The following EXOC6B variants were observed in gnomAD, a reference collection of about 807,000 sequenced individuals.
EXOC6B encodes the protein SEC15 homolog B.
EXOC6B carries 54 observed loss-of-function variants against 113.5 expected under a neutral mutation model. The ratio of observed to expected loss-of-function variants is 0.48; its 90% CI spans 0.38 to 0.60. EXOC6B has a LOEUF of 0.60. EXOC6B is among the 20% of genes least tolerant of loss of function. The pLI is 0.00. For synonymous variants in EXOC6B, 357 were observed against 339.0 expected (o/e 1.05, Z -0.58); for missense variants, 797 against 977.5 (o/e 0.82, Z 2.46).
At chr2:72,434,144 T>TGC (rs766974990) in intron 18 of EXOC6B, among the ~76,000 whole-genome samples, 2 of 152,234 alleles carry the variant, frequency 1.3e-5, no homozygotes, top group East Asian at 3.8e-4. Flanking sequence ...AGGCCTTTTC[T>TGC]GCATCCATTG....
intron 6 of EXOC6B, among the ~76,000 whole-genome samples, chr2:72,700,135 T>G (rs1452201132): frequency 6.6e-6 from 1 of 152,134 alleles, no homozygotes; most frequent in Non-Finnish European, 1.5e-5. Context: ...TATATTGTTG[T>G]TTTTTATTGT....
chr2:72,423,109 G>C (rs1185130063), intron 18 of EXOC6B, among the ~76,000 whole-genome samples: 1 of 152,152 alleles, frequency 6.6e-6, no homozygotes, highest in Non-Finnish European at 1.5e-5. Flanking sequence ...AAGATCTGCA[G>C]CTTCACTCCT....
intron 19 of EXOC6B, among the ~76,000 whole-genome samples, chr2:72,370,876 G>GC (rs1690963333): frequency 6.7e-6 from 1 of 150,202 alleles, no homozygotes; most frequent in African/African-American, 2.4e-5. Flanking sequence ...GTGATGGGAG[G>GC]GGGGAGGGAT....
chr2:72,326,792 A>AC (rs1688152946), intron 20 of EXOC6B, among the ~76,000 whole-genome samples: 1 of 151,344 alleles, frequency 6.6e-6, no homozygotes, highest in Non-Finnish European at 1.5e-5. Context: ...CAATGGCAAA[A>AC]CCGCAATTAC....
intron 21 of EXOC6B, 145 bp from the exon 22 acceptor site, chr2:72,179,606 A>G: frequency 2.2e-6 from 2 of 904,872 alleles, no homozygotes; most frequent in Admixed American, 2.3e-5. Context: ...TCAGGCCCAC[A>G]CTCACCTACT....
At chr2:72,610,324 A>G (rs2104080426) in intron 6 of EXOC6B, among the ~76,000 whole-genome samples, 1 of 152,314 alleles carries the variant, frequency 6.6e-6, no homozygotes, top group East Asian at 1.9e-4. Flanking sequence ...GCAAAACCAC[A>G]ATTACTTTTG....
At chr2:72,512,459 G>A (rs1381489102) in intron 11 of EXOC6B, among the ~76,000 whole-genome samples, 1 of 150,666 alleles carries the variant, frequency 6.6e-6, no homozygotes, top group Admixed American at 6.6e-5. Flanking sequence ...AAAGAAGGAA[G>A]GGAATTCAGA....
chr2:72,601,487 T>C (rs1186231366), intron 6 of EXOC6B, among the ~76,000 whole-genome samples: 1 of 152,128 alleles, frequency 6.6e-6, no homozygotes, highest in Non-Finnish European at 1.5e-5. Flanking sequence ...GCCCAGCCTG[T>C]ATGGCTAAAA....
At position 72,658,007 on chromosome 2, in the gene EXOC6B, A is replaced by AAT. The variant is rs201592898; in HGVS notation, c.669+60094_669+60095dup. On this transcript the variant is annotated intron_variant, in intron 6 of 21. Coordinates refer to ENST00000272427, the MANE Select transcript of EXOC6B (RefSeq NM_015189.3). The stretch of plus-strand genomic sequence containing the variant: ...AAGAATTATTCTCATAATTTGAAGA[A>AAT]ATATATATATATATAATTAAAATAA... Among the ~76,000 whole-genome samples, 48 of 149,426 alleles carry AAT rather than the reference A, an allele frequency of 3.2e-4. No homozygotes were observed. In the Middle Eastern group the frequency reaches 0.011, roughly 33 times the overall value.
chr2:72,810,806 CACT>C (rs1685867346), intron 1 of EXOC6B, among the ~76,000 whole-genome samples: 1 of 152,102 alleles, frequency 6.6e-6, no homozygotes, highest in Non-Finnish European at 1.5e-5. Context: ...GGCATAGTAG[CACT>C]TTGGAAGGCT....
chr2:72,310,053 C>T (rs1687095618), intron 20 of EXOC6B, among the ~76,000 whole-genome samples: 1 of 152,160 alleles, frequency 6.6e-6, no homozygotes, highest in Admixed American at 6.5e-5. Flanking sequence ...AGACATCTGG[C>T]TGGTTTCTAC....
At chr2:72,754,196 C>T (rs998336978) in intron 1 of EXOC6B, among the ~76,000 whole-genome samples, 1 of 152,112 alleles carries the variant, frequency 6.6e-6, no homozygotes, top group Middle Eastern at 3.4e-3. Context: ...TCAGAAGCTG[C>T]TCTTCTTACC....
intron 6 of EXOC6B, among the ~76,000 whole-genome samples, chr2:72,613,514 CT>C (rs1379059915): frequency 6.6e-6 from 1 of 151,858 alleles, no homozygotes; most frequent in Non-Finnish European, 1.5e-5. Flanking sequence ...TATGCATAGA[CT>C]CTTATAGTTA....
chr2:72,268,236 G>A (rs554101992), intron 20 of EXOC6B, among the ~76,000 whole-genome samples: 11 of 151,910 alleles, frequency 7.2e-5, no homozygotes, highest in Non-Finnish European at 8.8e-5. Flanking sequence ...TCAGCCTCCC[G>A]AGTAGCTGGG....
At chr2:72,670,842 A>T (rs1675739261) in intron 6 of EXOC6B, among the ~76,000 whole-genome samples, 1 of 151,998 alleles carries the variant, frequency 6.6e-6, no homozygotes, top group East Asian at 1.9e-4. Flanking sequence ...CAGTCCTTGG[A>T]GTTCTCTCTT....
At chr2:72,313,011 G>T (rs936755986) in intron 20 of EXOC6B, among the ~76,000 whole-genome samples, 3 of 151,998 alleles carry the variant, frequency 2.0e-5, no homozygotes, top group Admixed American at 2.0e-4. Context: ...AATTGATGCC[G>T]ATTTCTCAGC....
chr2:72,575,390 G>A, intron 7 of EXOC6B, 102 bp downstream of exon 7: 1 of 1,035,206 alleles, frequency 9.7e-7, no homozygotes, highest in Non-Finnish European at 1.3e-6. Context: ...ATATTCAGAA[G>A]ATCACACAAA....
rs1216008092 is a variant in EXOC6B, at chr2:72,825,235, G to C, written c.113+563C>G. ...TGCACCGTGGGCGAGGGTCGTCCTC[G>C]TAACAGGGAGGCAGGGATAAAGGAG... On this transcript the variant is annotated intron_variant, in intron 1 of 21. Coordinates refer to ENST00000272427, the MANE Select transcript of EXOC6B (RefSeq NM_015189.3). This position sits in a 1 kb window ranked among gnomAD's most constrained non-coding sequence, Gnocchi z 4.4. 6.6e-6 allele frequency among the ~76,000 whole-genome samples: 1 copy of C among 152,118 alleles called. No individual in the cohort carries two copies. Among genetic ancestry groups the C allele is most frequent in the Admixed American group, 6.5e-5 (1 of 15,268 alleles).
At chr2:72,275,809 A>C (rs899950631) in intron 20 of EXOC6B, among the ~76,000 whole-genome samples, 2 of 152,122 alleles carry the variant, frequency 1.3e-5, no homozygotes, top group African/African-American at 4.8e-5. Flanking sequence ...ATTTTCAAAC[A>C]CACCGACTAC....
Sources: allele counts gnomAD v4.1 joint callset (sites outside exome capture counted in the v4.1 genomes callset), GRCh38; gene constraint gnomAD v4.1.1; non-coding constraint Gnocchi (gnomAD v3.1); transcripts MANE v1.5; gene names NCBI Gene and HGNC (gene_info 2026-07-23, HGNC 2026-07-21).